The following PLEKHA4 variants were observed in gnomAD, a reference collection of about 807,000 sequenced individuals.
PLEKHA4 encodes pleckstrin homology domain-containing family A member 4.
PLEKHA4 carries 73 observed loss-of-function variants against 94.7 expected under a neutral mutation model. That is an observed-to-expected ratio of 0.77 (90% confidence interval 0.64 to 0.94). PLEKHA4 has a LOEUF of 0.94. Among genes scored for constraint, PLEKHA4 ranks in the 40% least tolerant of loss-of-function variants. The pLI is 0.00. For missense variants in PLEKHA4, 1,049 were observed against 1,054.1 expected, an observed-to-expected ratio of 1.00 and a Z score of 0.07; for synonymous variants, 449 against 437.1, an observed-to-expected ratio of 1.03 and a Z score of -0.34.
chr19:48,860,323 A>G, intron 6 of PLEKHA4, 27 bp downstream of exon 6: 1 of 1,583,336 alleles, frequency 6.3e-7, no homozygotes, highest in Non-Finnish European at 8.7e-7. Flanking sequence ...GTGGAGGGTC[A>G]GGAGCATGGC....
At chr19:48,845,692 G>A (rs2035944145) in intron 14 of PLEKHA4, 76 bp from the exon 15 acceptor site, 1 of 1,194,734 alleles carries the variant, frequency 8.4e-7, no homozygotes, top group Non-Finnish European at 1.2e-6. Flanking sequence ...AAGCATTTAG[G>A]CATTGGAATA....
At position 48,861,408 on chromosome 19, in the gene PLEKHA4, G is replaced by A. The variant is rs773850515; in HGVS notation, c.359C>T (p.Thr120Ile). The change falls in exon 5 of 20, where the codon ACC becomes ATC. Residue 120 changes from threonine (T) to isoleucine (I), a missense_variant. Transcript: ENST00000263265. ...GPGAPRGRRF[T>I]FTAEHPGMRT... ...ATGGATGGATGGACTCACGGTGAAG[G>A]TGAAGCGCCGCCCTCGGGGGGCTCC... The A allele has an allele frequency of 1.2e-5, 19 of 1,613,248 alleles. No homozygotes were observed. Among genetic ancestry groups the A allele is most frequent in the Non-Finnish European group, 1.6e-5 (19 of 1,179,792 alleles).
chr19:48,844,151 TATTATTATTATTATTA>T, intron 16 of PLEKHA4, among the ~76,000 whole-genome samples: 1 of 126,928 alleles, frequency 7.9e-6, no homozygotes, highest in African/African-American at 2.6e-5. Context: ...TTATTATTAT[TATTATTATTATTATTA>T]TTTTCGAGAC....
At position 48,857,501 on chromosome 19, in the gene PLEKHA4, G is replaced by T; in HGVS notation, c.973-5C>A. 6.5e-7 allele frequency: 1 copy of T among 1,539,480 alleles called. No homozygotes were observed. ...AGTGGGGGAGCCAGAGTGTGCCTGG[G>T]AGGAACGTTGAAATGGAGATGTTTA... On this transcript the variant is annotated splice_polypyrimidine_tract_variant and splice_region_variant and intron_variant, in intron 8 of 19. Transcript: ENST00000263265.
chr19:48,861,741 A>G, intron 3 of PLEKHA4, 49 bp from the exon 4 acceptor site: 2 of 1,504,724 alleles, frequency 1.3e-6, no homozygotes, highest in Non-Finnish European at 1.8e-6. Flanking sequence ...AAACAGAAAA[A>G]GGGGATGAAG....
rs1427374341 is a variant in PLEKHA4, at chr19:48,845,554, A to G, written c.1629T>C (p.Pro543=). Residue 543 remains proline (P), a synonymous_variant, in exon 15 of 20, where the codon CCT becomes CCC. Transcript: ENST00000263265. ...TGGCGAGGTCTTTGTCGCCTCCAGGAGGCCGCCCCCAGTCAGTCTCGGGGG... is the reference window on the plus strand; with the variant it reads ...TGGCGAGGTCTTTGTCGCCTCCAGGGGGCCGCCCCCAGTCAGTCTCGGGGG... The part of the protein sequence containing the change: ...PRSPETDWGR[P]PGGDKDLASP... The G allele has an allele frequency of 6.2e-7, 1 of 1,610,458 alleles. No individual in the cohort carries two copies. Among genetic ancestry groups the G allele is most frequent in the African/African-American group, 1.3e-5 (1 of 74,602 alleles).
At chr19:48,853,060 A>G (rs17206686) in intron 12 of PLEKHA4, among the ~76,000 whole-genome samples, 17,047 of 152,162 alleles carry the variant, frequency 0.11, 1,167 homozygotes, top group Non-Finnish European at 0.15. Context: ...ATTGTTCTCA[A>G]CTCTCATTTA....
At chr19:48,838,164 G>A in intron 18 of PLEKHA4, 35 bp from the exon 19 acceptor site, 1 of 1,116,872 alleles carries the variant, frequency 9.0e-7, no homozygotes. Flanking sequence ...GTGGGGGTGT[G>A]TACATGGGGG....
Position 48,841,094 on chromosome 19 carries a change from G to A in PLEKHA4, c.1905+55C>T, listed in dbSNP as rs185221977. 4,681 of 1,519,726 alleles carry A rather than the reference G, an allele frequency of 3.1e-3. 250 individuals carry two copies. The Admixed American group carries it at 0.089, about 29-fold the overall frequency. The allele number at this position is 1,519,726 out of a possible 1,614,324, so 94.1% of individuals were successfully genotyped here. ...ATTTTACAGAAAGGGACTCAAAGTAGGCGAAGAGGACCTACTACCACCCCA... is the reference window on the plus strand; with the variant it reads ...ATTTTACAGAAAGGGACTCAAAGTAAGCGAAGAGGACCTACTACCACCCCA... On this transcript the variant is annotated intron_variant, in intron 17 of 19. Coordinates refer to ENST00000263265, the MANE Select transcript of PLEKHA4 (RefSeq NM_020904.3).
rs376901424 is a variant in PLEKHA4, at chr19:48,858,825, A to G, written c.972+35T>C. ...AAAGACAGCCCTGAGGCCTGATGGG[A>G]AACGTAGTCCCCTCCTTCTCACCTC... On this transcript the variant is annotated intron_variant, in intron 8 of 19. Transcript: ENST00000263265. 1.9e-6 allele frequency: 3 copies of G among 1,612,112 alleles called. No individual in the cohort carries two copies. The African/African-American group carries it at 4.0e-5, about 22-fold the overall frequency.
intron 13 of PLEKHA4, among the ~76,000 whole-genome samples, chr19:48,849,361 T>C (rs2036095728): frequency 6.6e-6 from 1 of 152,014 alleles, no homozygotes; most frequent in Admixed American, 6.6e-5. Flanking sequence ...CAGGCTGGAG[T>C]GCAGTGTCAC....
intron 17 of PLEKHA4, among the ~76,000 whole-genome samples, chr19:48,840,231 G>C (rs996951600): frequency 6.6e-6 from 1 of 151,792 alleles, no homozygotes; most frequent in South Asian, 2.1e-4. Context: ...CCTGGCCAAC[G>C]TGGTAAAAAT....
rs1244543569 is a variant in PLEKHA4, at chr19:48,859,627, A to G, written c.534T>C (p.Gly178=). 5 of 1,612,710 alleles carry G rather than the reference A, an allele frequency of 3.1e-6. No homozygotes were observed. In the Admixed American group the frequency reaches 6.7e-5, roughly 22 times the overall value. The change falls in exon 7 of 20, where the codon GGT becomes GGC. Residue 178 remains glycine (G), a synonymous_variant. Coordinates refer to ENST00000263265, the MANE Select transcript of PLEKHA4 (RefSeq NM_020904.3). ...PQPGEGPGGP[G]GPPEVSRGEE... is the part of the protein sequence containing the mutation. ...CCCCTCTGCTCACCTCCGGGGGACC[A>G]CCGGGGCCGCCGGGGCCCTCCCCGG...
chr19:48,856,945 GAAAGAGAA>G (rs2036443244), intron 9 of PLEKHA4, among the ~76,000 whole-genome samples: 1 of 121,582 alleles, frequency 8.2e-6, no homozygotes, highest in Non-Finnish European at 1.6e-5. Context: ...AAAAGAAAAA[GAAAGAGAA>G]AGAAAGAAAG....
rs766008964 is a variant in PLEKHA4, at chr19:48,845,581, C to T, written c.1602G>A (p.Arg534=). 5.6e-6 allele frequency: 9 copies of T among 1,605,822 alleles called. No homozygotes were observed. The highest frequency in any genetic ancestry group is 7.7e-6 in the Non-Finnish European group (9 of 1,175,974). Residue 534 remains arginine (R), a synonymous_variant, in exon 15 of 20, where the codon AGG becomes AGA. Transcript: ENST00000263265. ...GCCGCCCCCAGTCAGTCTCGGGGGA[C>T]CTAGGGGAGCTCAGTTCCAAGGACT... The part of the protein sequence containing the change: ...LPESLELSSP[R]SPETDWGRPP...
In PLEKHA4 at chr19:48,837,181, G is replaced by C; in HGVS notation, c.*108C>G. On this transcript the variant is annotated 3_prime_UTR_variant, in exon 20 of 20. Transcript: ENST00000263265. The surrounding 1 kb of genome is among the most constrained non-coding windows in gnomAD (Gnocchi z 4.3). Reference sequence around the variant, plus strand: ...TAGAAACCATTCCCCTCCCGGGCCCGCAATGGGGACCAGACCACGCCCCCT... The same window carrying C: ...TAGAAACCATTCCCCTCCCGGGCCCCCAATGGGGACCAGACCACGCCCCCT... 1 of 1,508,126 alleles carries C rather than the reference G, an allele frequency of 6.6e-7. No homozygotes were observed. The allele number at this position is 1,508,126 out of a possible 1,614,324, so 93.4% of individuals were successfully genotyped here. A position where few individuals can be genotyped will look rare whatever the true frequency, so the allele number is the denominator to read the frequency against.
At chr19:48,850,970 C>T (rs966515947) in intron 13 of PLEKHA4, among the ~76,000 whole-genome samples, 17 of 151,142 alleles carry the variant, frequency 1.1e-4, no homozygotes, top group Middle Eastern at 3.4e-3. Flanking sequence ...TGAAACCCCC[C>T]TCTCTACCGA....
chr19:48,854,696 CTTTTTTT>C (rs397859722), intron 9 of PLEKHA4, among the ~76,000 whole-genome samples: 2 of 81,320 alleles, frequency 2.5e-5, no homozygotes, highest in African/African-American at 1.2e-4. Flanking sequence ...CATGCCTGGC[CTTTTTTT>C]TTTTTTTTTT....
intron 14 of PLEKHA4, 136 bp downstream of exon 14, chr19:48,847,764 C>T (rs753565655): frequency 7.9e-6 from 8 of 1,016,834 alleles, no homozygotes; most frequent in Non-Finnish European, 9.3e-6. Context: ...AAAACAAAGG[C>T]TTCCAGAGGT....
Sources: gnomAD v4.1 joint callset for allele counts (sites outside exome capture counted in the v4.1 genomes callset) on GRCh38, gnomAD v4.1.1 for gene constraint, Gnocchi (gnomAD v3.1) non-coding constraint, MANE v1.5 for transcripts, NCBI Gene and HGNC (gene_info 2026-07-23, HGNC 2026-07-21) for gene names.